MDGA1: variants seen among roughly 807,000 people sequenced by gnomAD.
MDGA1 encodes the protein MAM domain containing glycosylphosphatidylinositol anchor 1.
MDGA1 carries 54 observed loss-of-function variants against 101.5 expected under a neutral mutation model. That is an observed-to-expected ratio of 0.53 (90% CI 0.43 to 0.67). The LOEUF (loss-of-function observed/expected upper bound fraction) is 0.67. Among genes scored for constraint, MDGA1 ranks in the 30% least tolerant of loss-of-function variants. The pLI, the probability that MDGA1 is intolerant of heterozygous loss-of-function variation, is 0.00. For synonymous variants in MDGA1, 533 were observed against 558.3 expected (o/e 0.95, Z 0.64); for missense variants, 1,083 against 1,323.8 (o/e 0.82, Z 2.82).
At position 37,696,993 on chromosome 6, in the gene MDGA1, C is replaced by T. The variant is rs2127326324; in HGVS notation, c.-182G>A. On this transcript the variant is annotated 5_prime_UTR_variant, in exon 1 of 17. Coordinates refer to ENST00000434837, the MANE Select transcript of MDGA1 (RefSeq NM_153487.4). The surrounding 1 kb of genome is among the most constrained non-coding windows in gnomAD (Gnocchi z 5.6). ...GTGGCGGCGACCCGTGTTTCTCCTC[C>T]GGCGGGGCCGCTGCCCGCGTGGGGA... 1.8e-6 allele frequency: 1 copy of T among 570,078 alleles called. No homozygotes were observed. The highest frequency in any genetic ancestry group is 3.1e-6 in the Non-Finnish European group (1 of 323,972). 35.3% of individuals were successfully genotyped at this position (570,078 alleles called of 1,614,324 possible).
rs377029754 is a variant in MDGA1 at position 37,696,684 on chromosome 6, C to A, written c.67+61G>T. On this transcript the variant is annotated intron_variant, in intron 1 of 16. Transcript: ENST00000434837. The surrounding 1 kb of genome is among the most constrained non-coding windows in gnomAD (Gnocchi z 5.6). ...CCAAACCCCGGCAGCGCGCACTTTG[C>A]GCCTCTTGCAAAGTTTCCGCGCGAG... The A allele has an allele frequency of 8.7e-6, 13 of 1,486,300 alleles. No individual in the cohort carries two copies. Among genetic ancestry groups the A allele is most frequent in the Non-Finnish European group, 1.2e-5 (13 of 1,087,490 alleles). 92.1% of individuals were successfully genotyped at this position (1,486,300 alleles called of 1,614,324 possible). A position where few individuals can be genotyped will look rare whatever the true frequency, so the allele number is the denominator to read the frequency against.
Position 37,650,195 on chromosome 6 carries a change from A to G in MDGA1, c.1523T>C (p.Met508Thr), listed in dbSNP as rs368322377. 6.2e-7 allele frequency: 1 copy of G among 1,613,204 alleles called. No homozygotes were observed. The highest frequency in any genetic ancestry group is 8.5e-7 in the Non-Finnish European group (1 of 1,179,740). ...CGTCTGGCAGCGGTAGGTCCCGCTC[A>G]TGTCTCGGCTCACTCGCTCCAGCCG... ...KLRLERVSRD[M>T]SGTYRCQTAR... The change falls in exon 8 of 17, where the codon ATG becomes ACG. Residue 508 changes from methionine (M) to threonine (T), a missense_variant. This residue lies in a region of MDGA1 where 657 missense variants were observed against 771.4 expected (regional missense o/e 0.85). Transcript: ENST00000434837.
chr6:37,653,190 A>G (rs771126326), intron 6 of MDGA1, among the ~76,000 whole-genome samples: 20 of 152,226 alleles, frequency 1.3e-4, no homozygotes, highest in Non-Finnish European at 2.2e-4. Flanking sequence ...AGAGGTGACC[A>G]TAAGTATTTG....
chr6:37,688,355 G>A (rs183605491), intron 1 of MDGA1, among the ~76,000 whole-genome samples: 7 of 152,308 alleles, frequency 4.6e-5, no homozygotes, highest in Non-Finnish European at 1.0e-4. Flanking sequence ...CCAGGGCTGA[G>A]AACCACTTTT....
At chr6:37,688,976 C>T (rs1002908637) in intron 1 of MDGA1, among the ~76,000 whole-genome samples, 1 of 152,192 alleles carries the variant, frequency 6.6e-6, no homozygotes, top group African/African-American at 2.4e-5. Context: ...AATCTCAGCC[C>T]AGCCCCAGCC....
At chr6:37,678,855 A>G (rs1276123971) in intron 1 of MDGA1, among the ~76,000 whole-genome samples, 1 of 150,224 alleles carries the variant, frequency 6.7e-6, no homozygotes, top group Non-Finnish European at 1.5e-5. Flanking sequence ...CGTAACACTC[A>G]TCAAATCAAC....
intron 1 of MDGA1, among the ~76,000 whole-genome samples, chr6:37,680,503 C>A (rs2114090170): frequency 6.6e-6 from 1 of 152,362 alleles, no homozygotes; most frequent in Non-Finnish European, 1.5e-5. Flanking sequence ...GACGACCGGA[C>A]CCTGCAAGGA....
intron 1 of MDGA1, among the ~76,000 whole-genome samples, chr6:37,685,326 G>T: frequency 6.6e-6 from 1 of 151,984 alleles, no homozygotes; most frequent in Non-Finnish European, 1.5e-5. Context: ...CTTCAGGAGC[G>T]TCTCAGGGCC....
chr6:37,632,402 G>A lies in MDGA1; in HGVS notation c.*4966C>T, dbSNP rs147761394. ...CAGGCCACAGAGCAGGATCCCTGTC[G>A]ACAGGTGCCAAAGAGAAGAAAGGCT... On this transcript the variant is annotated 3_prime_UTR_variant, in exon 17 of 17. Coordinates refer to ENST00000434837, the MANE Select transcript of MDGA1 (RefSeq NM_153487.4). 1.4e-4 allele frequency: 21 copies of A among 152,672 alleles called. No individual in the cohort carries two copies. Among genetic ancestry groups the A allele is most frequent in the Admixed American group, 3.3e-4 (5 of 15,302 alleles). The allele number at this position is 152,672 out of a possible 1,614,324, so 9.5% of individuals were successfully genotyped here.
chr6:37,671,120 C>T (rs1351694978), intron 1 of MDGA1, among the ~76,000 whole-genome samples: 3 of 152,192 alleles, frequency 2.0e-5, no homozygotes, highest in Admixed American at 2.0e-4. Flanking sequence ...AAAAGGAAAA[C>T]AGCCTCTGCC....
At chr6:37,640,863 C>T (rs950025708) in intron 14 of MDGA1, among the ~76,000 whole-genome samples, 1 of 152,126 alleles carries the variant, frequency 6.6e-6, no homozygotes, top group African/African-American at 2.4e-5. Flanking sequence ...GAAGAGAGAG[C>T]CGTTCCTTTG....
chr6:37,681,234 G>A (rs576866564), intron 1 of MDGA1, among the ~76,000 whole-genome samples: 5 of 152,270 alleles, frequency 3.3e-5, no homozygotes, highest in African/African-American at 7.2e-5. Context: ...TTTCACTCGC[G>A]GACTGCTAAT....
At chr6:37,664,201 G>T in intron 1 of MDGA1, 95 bp from the exon 2 acceptor site, 1 of 1,484,300 alleles carries the variant, frequency 6.7e-7, no homozygotes, top group Non-Finnish European at 9.2e-7. Context: ...GGAGGGGTCA[G>T]CCCAGATCTC....
chr6:37,676,653 C>T (rs1225542081), intron 1 of MDGA1, among the ~76,000 whole-genome samples: 1 of 100,646 alleles, frequency 9.9e-6, no homozygotes, highest in East Asian at 3.1e-4. Flanking sequence ...AATCCCAGCA[C>T]TTTGGGAGGC....
chr6:37,688,416 T>C (rs1762242756), intron 1 of MDGA1, among the ~76,000 whole-genome samples: 1 of 152,150 alleles, frequency 6.6e-6, no homozygotes, highest in African/African-American at 2.4e-5. Flanking sequence ...GCTGAGTTTC[T>C]GGGCCTGGAA....
chr6:37,669,032 G>C (rs562198089), intron 1 of MDGA1, among the ~76,000 whole-genome samples: 2 of 152,114 alleles, frequency 1.3e-5, no homozygotes, highest in African/African-American at 4.8e-5. Flanking sequence ...ATTTTTAGTA[G>C]AGACGGGTTT....
chr6:37,649,275 G>A lies in MDGA1; in HGVS notation c.1610-9C>T. 2 of 1,479,948 alleles carry A rather than the reference G, an allele frequency of 1.4e-6. No individual in the cohort carries two copies. Among genetic ancestry groups the A allele is most frequent in the South Asian group, 1.3e-5 (1 of 76,292 alleles). 91.7% of individuals were successfully genotyped at this position (1,479,948 alleles called of 1,614,324 possible). A position where few individuals can be genotyped will look rare whatever the true frequency, so the allele number is the denominator to read the frequency against. On this transcript the variant is annotated splice_polypyrimidine_tract_variant and intron_variant, in intron 8 of 16. Coordinates refer to ENST00000434837, the MANE Select transcript of MDGA1 (RefSeq NM_153487.4). ...CTCCACCTCCGGCGGGACTGGGGGC[G>A]GGAGCGGCGGTCAGCGGGGCCTCTC... is the stretch of plus-strand genomic sequence containing the variant.
At position 37,651,948 on chromosome 6, in the gene MDGA1, ACCT is replaced by A. The variant is rs1388685451; in HGVS notation, c.1312+60_1312+62del. 6 of 1,368,778 alleles carry A rather than the reference ACCT, an allele frequency of 4.4e-6. No homozygotes were observed. In the East Asian group the frequency reaches 1.3e-4, roughly 29 times the overall value. The allele number at this position is 1,368,778 out of a possible 1,614,324, so 84.8% of individuals were successfully genotyped here. A position where few individuals can be genotyped will look rare whatever the true frequency, so the allele number is the denominator to read the frequency against. On this transcript the variant is annotated intron_variant, in intron 7 of 16. Transcript: ENST00000434837. ...TTTCCCAAGCCGTTGCCTCCCCACT[ACCT>A]CCTGTCTGTGGGCCTCTCCACCCCC...
chr6:37,681,660 C>A (rs1245805923), intron 1 of MDGA1, among the ~76,000 whole-genome samples: 1 of 152,252 alleles, frequency 6.6e-6, no homozygotes, highest in Non-Finnish European at 1.5e-5. Flanking sequence ...TGCACTTGCA[C>A]GAGGCAGAGA....
Sources: gnomAD v4.1 joint callset for allele counts (sites outside exome capture counted in the v4.1 genomes callset) on GRCh38, gnomAD v4.1.1 for gene constraint, gnomAD v4.1.1 regional missense constraint, Gnocchi (gnomAD v3.1) non-coding constraint, MANE v1.5 for transcripts, NCBI Gene and HGNC (gene_info 2026-07-23, HGNC 2026-07-21) for gene names.